Variants in ALOX12B observed in about 807,000 individuals in gnomAD.
ALOX12B encodes arachidonate 12-lipoxygenase, 12R-type.
A neutral mutation model predicts 78.9 loss-of-function variants in ALOX12B; 47 were observed. The ratio of observed to expected loss-of-function variants is 0.60; its 90% CI spans 0.47 to 0.76. The LOEUF is 0.76. Among genes scored for constraint, ALOX12B ranks in the 30% least tolerant of loss-of-function variants. The probability of loss-of-function intolerance (pLI) is 0.00; values close to 1 mark genes in which losing one functional copy is unlikely to be tolerated. For synonymous variants in ALOX12B, 370 were observed against 374.5 expected, an observed-to-expected ratio of 0.99 and a Z score of 0.14; for missense variants, 805 against 922.6, an observed-to-expected ratio of 0.87 and a Z score of 1.65.
intron 11 of ALOX12B, 54 bp from the exon 12 acceptor site, chr17:8,075,770 C>T: frequency 6.2e-7 from 1 of 1,613,940 alleles, no homozygotes. Context: ...CACTCCTCAG[C>T]CAGGCTTCTC....
At chr17:8,077,268 G>T in intron 8 of ALOX12B, 75 bp from the exon 9 acceptor site, 1 of 1,431,782 alleles carries the variant, frequency 7.0e-7, no homozygotes, top group Non-Finnish European at 9.6e-7. Context: ...GCAGGAAGGA[G>T]GCAGAAGGGA....
At chr17:8,075,748 C>T (rs1371504537) in intron 11 of ALOX12B, 32 bp from the exon 12 acceptor site, 5 of 1,614,102 alleles carry the variant, frequency 3.1e-6, no homozygotes, top group African/African-American at 2.7e-5. Context: ...AGTTTGGATC[C>T]TCCTCCCCTC....
intron 2 of ALOX12B, among the ~76,000 whole-genome samples, chr17:8,084,447 C>T (rs1300927121): frequency 6.6e-6 from 1 of 152,236 alleles, no homozygotes; most frequent in Admixed American, 6.5e-5. Flanking sequence ...TTTGAGGGCC[C>T]TATGGGTGAC....
intron 11 of ALOX12B, 118 bp downstream of exon 11, chr17:8,076,057 A>C (rs897632358): frequency 2.0e-5 from 28 of 1,399,080 alleles, no homozygotes; most frequent in Non-Finnish European, 2.8e-5. Flanking sequence ...CCCCTTCCCC[A>C]AGGCCAAGCC....
chr17:8,076,998 G>A lies in ALOX12B; in HGVS notation c.1267C>T (p.Leu423Phe). ...LLRNLPMCHP[L>F]YKLLIPHTRY... ...TTCTCCCAAGCCCATACCTTGTAGAGGGGGTGGCACATGGGCAGGTTCCTC... is the reference window on the plus strand; with the variant it reads ...TTCTCCCAAGCCCATACCTTGTAGAAGGGGTGGCACATGGGCAGGTTCCTC... Residue 423 changes from leucine to phenylalanine, a missense_variant, in exon 9 of 15, where the codon CTC becomes TTC. Physicochemically the swap from Leu to Phe is conservative, Grantham distance 22. Coordinates refer to ENST00000647874, the MANE Select transcript of ALOX12B (RefSeq NM_001139.3). 2.5e-6 allele frequency: 4 copies of A among 1,613,472 alleles called. No individual in the cohort carries two copies. Among genetic ancestry groups the A allele is most frequent in the Non-Finnish European group, 3.4e-6 (4 of 1,179,908 alleles).
chr17:8,087,174 C>T lies in ALOX12B; in HGVS notation c.147+122G>A, dbSNP rs949042702. 3.6e-5 allele frequency: 51 copies of T among 1,419,204 alleles called. 1 individual carries two copies. The highest frequency in any genetic ancestry group is 4.5e-4 in the Middle Eastern group (2 of 4,448). The allele number at this position is 1,419,204 out of a possible 1,614,324, so 87.9% of individuals were successfully genotyped here. A position where few individuals can be genotyped will look rare whatever the true frequency, so the allele number is the denominator to read the frequency against. On this transcript the variant is annotated intron_variant, in intron 1 of 14. Transcript: ENST00000647874. The stretch of plus-strand genomic sequence containing the variant: ...TCGCCAAGCTCAGCTCACCTGGCTC[C>T]CCCTGCGCACCTTCACCCCTCCCGG...
chr17:8,073,811 G>T (rs1303883758), intron 12 of ALOX12B, 54 bp from the exon 13 acceptor site: 9 of 1,420,210 alleles, frequency 6.3e-6, no homozygotes, highest in South Asian at 3.5e-5. Context: ...GGTACTGGCT[G>T]CCCGGCAGAG....
In ALOX12B at chr17:8,079,877, G is replaced by A; in HGVS notation, c.819C>T (p.Asn273=). ...GCGTGCAGCGGCGGATCAGGCCGGGGTTGACGCCGTTGAGGTACTGGTACC... is the reference window on the plus strand; with the variant it reads ...GCGTGCAGCGGCGGATCAGGCCGGGATTGACGCCGTTGAGGTACTGGTACC... ...FFGYQYLNGV[N]PGLIRRCTRI... Residue 273 remains asparagine, a synonymous_variant, in exon 7 of 15, where the codon AAC becomes AAT. Coordinates refer to ENST00000647874, the MANE Select transcript of ALOX12B (RefSeq NM_001139.3). This position sits in a 1 kb window ranked among gnomAD's most constrained non-coding sequence, Gnocchi z 6.4. 2.5e-6 allele frequency: 4 copies of A among 1,613,376 alleles called. No homozygotes were observed. The highest frequency in any genetic ancestry group is 2.2e-5 in the East Asian group (1 of 44,860).
intron 1 of ALOX12B, among the ~76,000 whole-genome samples, chr17:8,086,797 A>T (rs1317780527): frequency 6.6e-6 from 1 of 152,156 alleles, no homozygotes; most frequent in Non-Finnish European, 1.5e-5. Flanking sequence ...AGGCAGCTGA[A>T]TTAGGAAGAG....
chr17:8,083,353 C>T (rs557126423), intron 2 of ALOX12B, among the ~76,000 whole-genome samples: 33 of 152,158 alleles, frequency 2.2e-4, no homozygotes, highest in Non-Finnish European at 4.4e-4. Flanking sequence ...GAGAAACAGT[C>T]GCTATTATGT....
chr17:8,079,388 C>T lies in ALOX12B; in HGVS notation c.1071+8G>A. On this transcript the variant is annotated splice_region_variant and intron_variant, in intron 8 of 14. Transcript: ENST00000647874. This position sits in a 1 kb window ranked among gnomAD's most constrained non-coding sequence, Gnocchi z 6.4. ...GCTCAGCGGCAGCGCCGCCTGCAGC[C>T]CAGGCACCTGGATGGCGATGGGCAT... The T allele has an allele frequency of 1.3e-6, 2 of 1,552,800 alleles. No individual in the cohort carries two copies. The highest frequency in any genetic ancestry group is 1.7e-6 in the Non-Finnish European group (2 of 1,148,330).
Position 8,080,985 on chromosome 17 carries a change from G to A in ALOX12B, c.435-9C>T. The A allele has an allele frequency of 6.2e-7, 1 of 1,613,962 alleles. No homozygotes were observed. The highest frequency in any genetic ancestry group is 8.5e-7 in the Non-Finnish European group (1 of 1,180,010). ...GAAGAAAGACTCGCCAGCTGCAAGG[G>A]AAACCGAGATGTCACCCTCATGCCC... On this transcript the variant is annotated splice_polypyrimidine_tract_variant and intron_variant, in intron 3 of 14. Coordinates refer to ENST00000647874, the MANE Select transcript of ALOX12B (RefSeq NM_001139.3). The surrounding 1 kb of genome is among the most constrained non-coding windows in gnomAD (Gnocchi z 4.8).
intron 10 of ALOX12B, 79 bp downstream of exon 10, chr17:8,076,578 G>C: frequency 6.8e-7 from 1 of 1,471,186 alleles, no homozygotes; most frequent in Non-Finnish European, 9.3e-7. Context: ...AAAGGCAAAT[G>C]GGAAGTCCTC....
chr17:8,073,513 T>C (rs1350547333), intron 13 of ALOX12B, 144 bp downstream of exon 13: 9 of 1,060,382 alleles, frequency 8.5e-6, no homozygotes, highest in Non-Finnish European at 1.3e-5. Flanking sequence ...GAGGCTCGGT[T>C]TCCGTTGGGA....
intron 9 of ALOX12B, 123 bp downstream of exon 9, chr17:8,076,867 G>A (rs1598178773): frequency 3.5e-6 from 5 of 1,408,746 alleles, no homozygotes; most frequent in Non-Finnish European, 4.9e-6. Flanking sequence ...GCCCTCTCTT[G>A]TGGTCCCCAG....
Position 8,079,362 on chromosome 17 carries a change from G to T in ALOX12B, c.1071+34C>A, listed in dbSNP as rs1209526357. 1.3e-6 allele frequency: 2 copies of T among 1,550,194 alleles called. No individual in the cohort carries two copies. The highest frequency in any genetic ancestry group is 2.0e-5 in the Admixed American group (1 of 51,162). ...TCGGAGGAGCATTCGCGCACACAGA[G>T]GCTCAGCGGCAGCGCCGCCTGCAGC... On this transcript the variant is annotated intron_variant, in intron 8 of 14. Coordinates refer to ENST00000647874, the MANE Select transcript of ALOX12B (RefSeq NM_001139.3). The surrounding 1 kb of genome is among the most constrained non-coding windows in gnomAD (Gnocchi z 6.4).
rs1416135461 is a variant in ALOX12B at position 8,079,143 on chromosome 17, C to T, written c.1071+253G>A. On this transcript the variant is annotated intron_variant, in intron 8 of 14. Coordinates refer to ENST00000647874, the MANE Select transcript of ALOX12B (RefSeq NM_001139.3). This position sits in a 1 kb window ranked among gnomAD's most constrained non-coding sequence, Gnocchi z 6.4. ...CGATCTCCTGACCTCGTGATCCGCC[C>T]GCCTCGGCCTCCCAAAGTGCTGGGA... Among the ~76,000 whole-genome samples the T allele has an allele frequency of 1.3e-5, 2 of 152,044 alleles. No individual in the cohort carries two copies. The highest frequency in any genetic ancestry group is 1.9e-4 in the East Asian group (1 of 5,168).
intron 1 of ALOX12B, 113 bp from the exon 2 acceptor site, chr17:8,086,333 C>T: frequency 9.5e-7 from 1 of 1,054,336 alleles, no homozygotes; most frequent in Non-Finnish European, 1.4e-6. Flanking sequence ...TGCTCACCTC[C>T]CTGGACTGAC....
chr17:8,076,857 G>A (rs1237679136), intron 9 of ALOX12B, 114 bp from the exon 10 acceptor site: 32 of 1,442,012 alleles, frequency 2.2e-5, no homozygotes, highest in Admixed American at 7.9e-5. Context: ...CCTATGCCAA[G>A]CCCTCTCTTG....
Sources: allele counts gnomAD v4.1 joint callset (sites outside exome capture counted in the v4.1 genomes callset), GRCh38; gene constraint gnomAD v4.1.1; non-coding constraint Gnocchi (gnomAD v3.1); transcripts MANE v1.5; gene names NCBI Gene and HGNC (gene_info 2026-07-23, HGNC 2026-07-21).